Variants in TRAPPC2L observed in about 807,000 individuals in gnomAD.
TRAPPC2L encodes trafficking protein particle complex subunit 2-like protein.
In TRAPPC2L, 17 loss-of-function variants were observed where a neutral mutation model predicts 13.2. That is an observed-to-expected ratio of 1.29 (90% confidence interval 0.88 to 1.93). The LOEUF (loss-of-function observed/expected upper bound fraction) is 1.93, where lower values mean the gene tolerates loss of function less well. Among genes scored for constraint, TRAPPC2L ranks in the 30% most tolerant of loss-of-function variants. TRAPPC2L has a pLI of 0.00. For synonymous variants in TRAPPC2L, 150 were observed against 98.1 expected (o/e 1.53, Z -3.12); for missense variants, 359 against 252.1 (o/e 1.42, Z -2.87).
chr16:88,860,995 C>A (rs1291414452), exon 4 of TRAPPC2L: 2 of 1,560,328 alleles, frequency 1.3e-6, no homozygotes, highest in Non-Finnish European at 1.7e-6. Context: ...GAGGAGCCCG[C>A]GCACGACTGT....
chr16:88,861,793 TTGAGGACCC>T (rs1311927231), exon 4 of TRAPPC2L: 1 of 406,456 alleles, frequency 2.5e-6, no homozygotes, highest in Admixed American at 2.6e-5. Flanking sequence ...CTCAAGGACC[TTGAGGACCC>T]CAGAAGCCCT....
chr16:88,856,924 G>T (rs774529414), upstream of TRAPPC2L: 2 of 1,482,778 alleles, frequency 1.3e-6, no homozygotes, highest in African/African-American at 1.5e-5. Context: ...CCGACCTAGC[G>T]AGCGTCCGCC....
At chr16:88,857,383 C>T (rs780355685) in intron 1 of TRAPPC2L, 200 bp downstream of exon 1, 42 of 524,730 alleles carry the variant, frequency 8.0e-5, no homozygotes, top group Non-Finnish European at 1.3e-4. Flanking sequence ...CGCGCTCGCC[C>T]GTCCCGCTGC....
chr16:88,862,521 C>G (rs1197695549), exon 4 of TRAPPC2L: 2 of 69,740 alleles, frequency 2.9e-5, no homozygotes, highest in African/African-American at 1.9e-4. Context: ...GGGTCACACC[C>G]TAAGGACAGT....
At chr16:88,858,830 C>A (rs1282678655) in intron 2 of TRAPPC2L, 39 bp downstream of exon 2, 4 of 1,585,482 alleles carry the variant, frequency 2.5e-6, no homozygotes, top group Non-Finnish European at 3.4e-6. Flanking sequence ...GGAGGACCTA[C>A]AGTTGCAAGA....
intron 3 of TRAPPC2L, 61 bp downstream of exon 3, chr16:88,859,811 T>C (rs1288513832): frequency 1.9e-6 from 3 of 1,589,032 alleles, no homozygotes; most frequent in African/African-American, 1.4e-5. Context: ...TTTTTGACTT[T>C]GTTTTGAAAT....
chr16:88,859,058 C>G (rs1050905719), intron 2 of TRAPPC2L: 1 of 513,068 alleles, frequency 1.9e-6, no homozygotes, highest in Admixed American at 3.3e-5. Flanking sequence ...TGGGACACTT[C>G]TGCTTTGTAC....
Position 88,860,916 on chromosome 16 carries a change from C to T in TRAPPC2L, c.*592C>T, listed in dbSNP as rs777494463. The T allele has an allele frequency of 8.5e-5, 135 of 1,593,172 alleles. No individual in the cohort carries two copies. Among genetic ancestry groups the T allele is most frequent in the Non-Finnish European group, 1.1e-4 (131 of 1,171,820 alleles). On this transcript the variant is annotated 3_prime_UTR_variant, in exon 4 of 4. Coordinates refer to ENST00000565504, the Ensembl canonical transcript of TRAPPC2L. The stretch of plus-strand genomic sequence containing the variant: ...AGTGGGTCTGTTTCTCTTAGCAGGG[C>T]CTTTGATAACATGGTGACGTCGATG...
chr16:88,859,806 G>T, intron 3 of TRAPPC2L, 56 bp downstream of exon 3: 1 of 1,591,456 alleles, frequency 6.3e-7, no homozygotes, highest in South Asian at 1.1e-5. Context: ...TTTCCTTTTT[G>T]ACTTTGTTTT....
upstream of TRAPPC2L, chr16:88,856,581 A>G: frequency 2.0e-6 from 1 of 490,614 alleles, no homozygotes; most frequent in Non-Finnish European, 3.9e-6. Flanking sequence ...GCACGGGGAT[A>G]CCCCCCGTCC....
At chr16:88,861,752 GT>G (rs1212128641) in exon 4 of TRAPPC2L, 1 of 453,250 alleles carries the variant, frequency 2.2e-6, no homozygotes, top group Admixed American at 2.4e-5. Flanking sequence ...CCCGGAGTTG[GT>G]TCCAGCACTG....
exon 4 of TRAPPC2L, chr16:88,862,512 G>A (rs1968453097): frequency 1.3e-5 from 1 of 75,224 alleles, no homozygotes; most frequent in African/African-American, 8.2e-5. Flanking sequence ...GTGAGGAAAG[G>A]GTCACACCCT....
chr16:88,857,005 C>A, upstream of TRAPPC2L: 1 of 1,389,050 alleles, frequency 7.2e-7, no homozygotes, highest in Non-Finnish European at 9.2e-7. Flanking sequence ...CCAGAGTCCG[C>A]GGAGGGACGG....
chr16:88,856,509 G>A (rs554559314), upstream of TRAPPC2L: 36 of 698,500 alleles, frequency 5.2e-5, no homozygotes, highest in East Asian at 9.4e-4. Flanking sequence ...GTGGTGATCG[G>A]TGACCGCCGA....
At position 88,858,513 on chromosome 16, in the gene TRAPPC2L, A is replaced by G; in HGVS notation, c.34-106A>G. ...AAGCGGTGGGCCTTAGAGCATGGGAATGCGTTCCCCGGGTGGCTGCAGGTC... is the reference window on the plus strand; with the variant it reads ...AAGCGGTGGGCCTTAGAGCATGGGAGTGCGTTCCCCGGGTGGCTGCAGGTC... On this transcript the variant is annotated intron_variant, in intron 1 of 3. Transcript: ENST00000565504. 7 of 1,259,496 alleles carry G rather than the reference A, an allele frequency of 5.6e-6. No individual in the cohort carries two copies. In the South Asian group the frequency reaches 8.2e-5, roughly 15 times the overall value. The allele number at this position is 1,259,496 out of a possible 1,614,324, so 78.0% of individuals were successfully genotyped here. A position where few individuals can be genotyped will look rare whatever the true frequency, so the allele number is the denominator to read the frequency against.
rs372550571 is a variant in TRAPPC2L at position 88,859,683 on chromosome 16, C to G, written c.227C>G (p.Ser76Cys). The change falls in exon 3 of 4, where the codon TCC becomes TGC. Residue 76 changes from serine (S) to cysteine (C), a missense_variant. Coordinates refer to ENST00000565504, the Ensembl canonical transcript of TRAPPC2L. ...TGCAGATACGGCTACGTCACCAACT[C>G]CAAGGTGAAGTTTGTCATGGTGGTA... is the stretch of plus-strand genomic sequence containing the variant. 39 of 1,613,998 alleles carry G rather than the reference C, an allele frequency of 2.4e-5. No individual in the cohort carries two copies. The highest frequency in any genetic ancestry group is 3.2e-5 in the Non-Finnish European group (38 of 1,180,026).
rs529491039 is a variant in TRAPPC2L, at chr16:88,857,949, G to A, written c.34-670G>A. 1.6e-3 allele frequency among the ~76,000 whole-genome samples: 251 copies of A among 152,346 alleles called. 1 individual carries two copies. Among genetic ancestry groups the A allele is most frequent in the African/African-American group, 5.8e-3 (241 of 41,594 alleles). On this transcript the variant is annotated intron_variant, in intron 1 of 3. Coordinates refer to ENST00000565504, the Ensembl canonical transcript of TRAPPC2L. ...GACCGCTCCCTGCTGGGCGGTGGCT[G>A]CTGCTAAGCTGCTCATGGGCTTCCC...
At chr16:88,857,026 C>G (rs964203769), upstream of TRAPPC2L, 2 of 1,408,484 alleles carry the variant, frequency 1.4e-6, no homozygotes, top group African/African-American at 3.0e-5. Context: ...GAGGCGGGGC[C>G]TGGACTGCCT....
intron 1 of TRAPPC2L, 46 bp from the exon 2 acceptor site, chr16:88,858,573 C>T: frequency 5.6e-6 from 9 of 1,595,588 alleles, no homozygotes; most frequent in Non-Finnish European, 7.7e-6. Context: ...CTGGTGTGCG[C>T]TGGGTGGAGT....
Sources: gnomAD v4.1 joint callset for allele counts (sites outside exome capture counted in the v4.1 genomes callset) on GRCh38, gnomAD v4.1.1 for gene constraint, MANE v1.5 for transcripts, NCBI Gene and HGNC (gene_info 2026-07-23, HGNC 2026-07-21) for gene names.